Variants in SLC30A7 observed in about 807,000 individuals in gnomAD.
The protein encoded by SLC30A7 is zinc transporter 7.
Under a neutral mutation model 46.0 loss-of-function variants are expected in SLC30A7, and 35 were observed. The ratio of observed to expected loss-of-function variants is 0.76; its 90% CI spans 0.58 to 1.01. SLC30A7 has a LOEUF of 1.01. SLC30A7 is among the 50% of genes least tolerant of loss of function. The probability of loss-of-function intolerance (pLI) is 0.00; values close to 1 mark genes in which losing one functional copy is unlikely to be tolerated. For missense variants in SLC30A7, 464 were observed against 451.1 expected (o/e 1.03, Z -0.26); for synonymous variants, 147 against 157.8 (o/e 0.93, Z 0.51).
chr1:100,988,734 C>A, the SLC30A7 span, among the ~76,000 whole-genome samples: 6 of 152,036 alleles, frequency 3.9e-5, no homozygotes, highest in Non-Finnish European at 7.4e-5. Flanking sequence ...ACTGTAATCC[C>A]AGCTACTCGG....
At position 100,906,818 on chromosome 1, in the gene SLC30A7, A is replaced by G. The variant is rs192294630; in HGVS notation, c.183-34A>G. On this transcript the variant is annotated intron_variant, in intron 2 of 10. Coordinates refer to ENST00000357650, the MANE Select transcript of SLC30A7 (RefSeq NM_133496.5). ...GAAAGATGCCTACTGTTTGGTTTTT[A>G]TTATAATTTGTCAATGTGTTTGTTC... 6.3e-6 allele frequency: 9 copies of G among 1,438,604 alleles called. 1 individual carries two copies. The highest frequency in any genetic ancestry group is 1.7e-4 in the Middle Eastern group (1 of 5,730). 89.1% of individuals were successfully genotyped at this position (1,438,604 alleles called of 1,614,324 possible).
At chr1:100,992,017 G>A in the SLC30A7 span, among the ~76,000 whole-genome samples, 5 of 151,778 alleles carry the variant, frequency 3.3e-5, no homozygotes, top group Non-Finnish European at 5.9e-5. Context: ...AGGATCACTT[G>A]AGCCCAGGAG....
intron 8 of SLC30A7, among the ~76,000 whole-genome samples, chr1:100,959,297 G>A (rs1159247655): frequency 6.6e-6 from 1 of 152,174 alleles, no homozygotes; most frequent in Non-Finnish European, 1.5e-5. Flanking sequence ...ATAAAATATG[G>A]TTGTATTAGT....
At chr1:100,903,776 A>G (rs1040370555) in intron 2 of SLC30A7, among the ~76,000 whole-genome samples, 3 of 152,126 alleles carry the variant, frequency 2.0e-5, no homozygotes, top group African/African-American at 2.4e-5. Flanking sequence ...TTCTAATTAT[A>G]TAATTATTCC....
At chr1:100,966,250 TAATA>T (rs1399423004) in intron 10 of SLC30A7, among the ~76,000 whole-genome samples, 2 of 150,084 alleles carry the variant, frequency 1.3e-5, no homozygotes, top group Admixed American at 6.7e-5. Flanking sequence ...CCATTTAACA[TAATA>T]AATATATATA....
At chr1:100,958,420 C>T (rs1254522224) in intron 8 of SLC30A7, among the ~76,000 whole-genome samples, 1 of 152,212 alleles carries the variant, frequency 6.6e-6, no homozygotes, top group Non-Finnish European at 1.5e-5. Context: ...TCATGATCCA[C>T]CCGCCTTGGC....
chr1:100,920,864 C>T (rs1652888889), intron 7 of SLC30A7, among the ~76,000 whole-genome samples: 1 of 150,702 alleles, frequency 6.6e-6, no homozygotes, highest in South Asian at 2.1e-4. Flanking sequence ...TTTAGCAAGA[C>T]ATGATTGAAG....
intron 8 of SLC30A7, among the ~76,000 whole-genome samples, chr1:100,959,059 A>G (rs1655396633): frequency 6.6e-6 from 1 of 152,214 alleles, no homozygotes; most frequent in Admixed American, 6.5e-5. Flanking sequence ...CAAAACCATG[A>G]AAGTAATAAA....
intron 8 of SLC30A7, among the ~76,000 whole-genome samples, chr1:100,959,513 A>G (rs966475141): frequency 1.3e-5 from 2 of 152,146 alleles, no homozygotes; most frequent in African/African-American, 4.8e-5. Flanking sequence ...TTCTGAGCTC[A>G]CTCAAGTGGT....
At chr1:100,916,561 A>T (rs1652565928) in intron 6 of SLC30A7, among the ~76,000 whole-genome samples, 1 of 152,158 alleles carries the variant, frequency 6.6e-6, no homozygotes, top group Admixed American at 6.5e-5. Context: ...CATCATGGAG[A>T]TGAGGTATCC....
chr1:100,963,966 C>A (rs1396313199), intron 9 of SLC30A7, among the ~76,000 whole-genome samples: 1 of 152,054 alleles, frequency 6.6e-6, no homozygotes, highest in Non-Finnish European at 1.5e-5. Flanking sequence ...GTACTAGATC[C>A]TCTGAGGGAA....
chr1:100,992,502 C>A, the SLC30A7 span: 1 of 576,314 alleles, frequency 1.7e-6, no homozygotes, highest in South Asian at 5.4e-5. Context: ...TAAAGTTGGA[C>A]AAAAATGACA....
At chr1:100,965,708 C>G (rs1295862324) in intron 9 of SLC30A7, 61 bp from the exon 10 acceptor site, 3 of 1,391,482 alleles carry the variant, frequency 2.2e-6, no homozygotes, top group South Asian at 1.2e-5. Context: ...TGCATAATAA[C>G]TTAAGTAAAA....
chr1:100,962,717 G>A lies in SLC30A7; in HGVS notation c.933+799G>A, dbSNP rs1570587895. ...TGGAAAGCTTTTAGGCAATAGAAGT[G>A]TCATAAATCCTATGTTTTTAAGAGA... On this transcript the variant is annotated intron_variant, in intron 9 of 10. Coordinates refer to ENST00000357650, the MANE Select transcript of SLC30A7 (RefSeq NM_133496.5). 2.0e-5 allele frequency among the ~76,000 whole-genome samples: 3 copies of A among 152,166 alleles called. No homozygotes were observed. The South Asian group carries it at 6.2e-4, about 32-fold the overall frequency.
intron 2 of SLC30A7, among the ~76,000 whole-genome samples, chr1:100,898,331 T>A (rs1651103140): frequency 6.6e-6 from 1 of 152,196 alleles, no homozygotes; most frequent in Non-Finnish European, 1.5e-5. Flanking sequence ...TCTGTAGAGA[T>A]CTGTTGGGGA....
In SLC30A7 at chr1:100,979,984, G is replaced by C. The variant is rs959718179; in HGVS notation, c.*5127G>C. 2 of 152,086 alleles carry C rather than the reference G, an allele frequency of 1.3e-5. No homozygotes were observed. The highest frequency in any genetic ancestry group is 2.9e-5 in the Non-Finnish European group (2 of 67,964). The allele number at this position is 152,086 out of a possible 1,614,324, so 9.4% of individuals were successfully genotyped here. A position where few individuals can be genotyped will look rare whatever the true frequency, so the allele number is the denominator to read the frequency against. ...CGGAACAGTCATTATACATTATTTA[G>C]ACTCATTCCTTCTTCCAGTGCCCTT... On this transcript the variant is annotated 3_prime_UTR_variant, in exon 11 of 11. Transcript: ENST00000357650.
rs558708645 is a variant in SLC30A7, at chr1:100,912,566, A to G, written c.511+328A>G. On this transcript the variant is annotated intron_variant, in intron 5 of 10. Transcript: ENST00000357650. The stretch of plus-strand genomic sequence containing the variant: ...GGGCTGGGCACAGTGGCTTACACCT[A>G]TAATTCCAGCACTCTGGGAGGCCAA... Among the ~76,000 whole-genome samples, 6 of 152,198 alleles carry G rather than the reference A, an allele frequency of 3.9e-5. No homozygotes were observed. In the East Asian group the frequency reaches 1.2e-3, roughly 29 times the overall value.
the SLC30A7 span, chr1:100,995,240 TG>T: frequency 2.6e-6 from 2 of 779,264 alleles, no homozygotes; most frequent in South Asian, 1.6e-5. Context: ...ACCTAAATTT[TG>T]GGGAAACACT....
the SLC30A7 span, among the ~76,000 whole-genome samples, chr1:100,987,462 G>A: frequency 6.6e-6 from 1 of 151,968 alleles, no homozygotes; most frequent in Non-Finnish European, 1.5e-5. Context: ...TTTCTTTCAT[G>A]TGTCATCTCT....
Sources: gnomAD v4.1 joint callset for allele counts (sites outside exome capture counted in the v4.1 genomes callset) on GRCh38, gnomAD v4.1.1 for gene constraint, MANE v1.5 for transcripts, NCBI Gene and HGNC (gene_info 2026-07-23, HGNC 2026-07-21) for gene names.